Variants in SHROOM4 observed in about 807,000 individuals in gnomAD.
SHROOM4 encodes the protein shroom family member 4, also known as protein Shroom4.
A neutral mutation model predicts 80.3 loss-of-function variants in SHROOM4; 17 were observed. That is an observed-to-expected ratio of 0.21 (90% confidence interval 0.14 to 0.32). The LOEUF (loss-of-function observed/expected upper bound fraction) is 0.32, where lower values mean the gene tolerates loss of function less well. Ranked by LOEUF, SHROOM4 falls within the 10% of genes least tolerant of loss-of-function variation. SHROOM4 has a pLI of 1.00. For synonymous variants in SHROOM4, 400 were observed against 437.5 expected (o/e 0.91, Z 1.07); for missense variants, 993 against 1,140.3 (o/e 0.87, Z 1.86).
intron 2 of SHROOM4, among the ~76,000 whole-genome samples, chrX:50,668,965 T>C (rs1557260566): frequency 8.8e-6 from 1 of 113,076 alleles, no homozygotes; most frequent in Non-Finnish European, 1.9e-5. Context: ...ATAAAAGTTA[T>C]GTTTACACTA....
At chrX:50,709,867 G>A (rs1933766865) in intron 1 of SHROOM4, among the ~76,000 whole-genome samples, 1 of 112,032 alleles carries the variant, frequency 8.9e-6, no homozygotes, top group African/African-American at 3.2e-5. Flanking sequence ...TAGAAATTCA[G>A]GACTCACCCT....
downstream of SHROOM4, among the ~76,000 whole-genome samples, chrX:50,584,958 A>G (rs1928731370): frequency 9.0e-6 from 1 of 111,320 alleles, no homozygotes; most frequent in African/African-American, 3.3e-5. Flanking sequence ...ATGGGTATGT[A>G]TGATTAAGAA....
chrX:50,651,952 T>C (rs199749815), intron 2 of SHROOM4, among the ~76,000 whole-genome samples: 2 of 111,850 alleles, frequency 1.8e-5, no homozygotes, highest in East Asian at 5.6e-4. Flanking sequence ...ATGGTGTATA[T>C]GTGCCATATT....
intron 1 of SHROOM4, among the ~76,000 whole-genome samples, chrX:50,742,493 T>A (rs931551783): frequency 2.7e-5 from 3 of 111,110 alleles, no homozygotes; most frequent in Non-Finnish European, 3.8e-5. Context: ...CTCTTTAGGC[T>A]CTTCTTTGCA....
chrX:50,600,233 C>T (rs1253395122), intron 7 of SHROOM4, among the ~76,000 whole-genome samples: 1 of 111,529 alleles, frequency 9.0e-6, no homozygotes, highest in East Asian at 2.8e-4. Context: ...TAAATTAGTT[C>T]TACAACATAC....
intron 1 of SHROOM4, among the ~76,000 whole-genome samples, chrX:50,810,672 T>C (rs781853942): frequency 4.1e-4 from 46 of 112,126 alleles, no homozygotes; most frequent in Non-Finnish European, 5.1e-4. Flanking sequence ...AAAGGGACAC[T>C]GCATTAGGAG....
intron 2 of SHROOM4, among the ~76,000 whole-genome samples, chrX:50,645,848 T>C (rs1602399972): frequency 1.8e-5 from 2 of 111,051 alleles, no homozygotes; most frequent in Non-Finnish European, 3.8e-5. Flanking sequence ...CACAGGAGGG[T>C]GGGCACATGC....
the SHROOM4 span, among the ~76,000 whole-genome samples, chrX:50,579,422 C>A: frequency 3.2e-3 from 356 of 111,821 alleles, no homozygotes; most frequent in African/African-American, 0.011. Context: ...ATTACCAGAG[C>A]TGAGAAAAGT....
At chrX:50,780,133 A>G (rs1935593378) in intron 1 of SHROOM4, among the ~76,000 whole-genome samples, 1 of 112,047 alleles carries the variant, frequency 8.9e-6, no homozygotes, top group Admixed American at 9.5e-5. Flanking sequence ...ACACTGAATT[A>G]TCTATGCATA....
At chrX:50,697,162 A>G (rs1438889470) in intron 1 of SHROOM4, among the ~76,000 whole-genome samples, 1 of 111,922 alleles carries the variant, frequency 8.9e-6, no homozygotes, top group Non-Finnish European at 1.9e-5. Flanking sequence ...CAGCTTGTTT[A>G]TCAACTAAGA....
In SHROOM4 at chrX:50,627,686, A is replaced by G; in HGVS notation, c.2896-11T>C. ...GTCCCCAGGAAATTCCTGTAAAGAA[A>G]AATCCTGATAAGTTAGAAAGCTTTG... On this transcript the variant is annotated splice_polypyrimidine_tract_variant and intron_variant, in intron 4 of 8. Coordinates refer to ENST00000376020, the MANE Select transcript of SHROOM4 (RefSeq NM_020717.5). 1 of 1,197,944 alleles carries G rather than the reference A, an allele frequency of 8.3e-7. No individual in the cohort carries two copies. Among genetic ancestry groups the G allele is most frequent in the Non-Finnish European group, 1.1e-6 (1 of 883,123 alleles).
At position 50,588,379 on chromosome X, in the gene SHROOM4, A is replaced by G. The variant is rs1928801636; in HGVS notation, c.*8316T>C. 8.9e-6 allele frequency among the ~76,000 whole-genome samples: 1 copy of G among 112,095 alleles called. No individual in the cohort carries two copies. The highest frequency in any genetic ancestry group is 3.7e-4 in the South Asian group (1 of 2,673). On this transcript the variant is annotated 3_prime_UTR_variant, in exon 9 of 9. Transcript: ENST00000376020. ...AGCTTTATAATAAAAGTTAACATTC[A>G]TTGGGTACTTATTGTCCTAAGTACT...
chrX:50,807,558 A>T (rs1277659908), intron 1 of SHROOM4, among the ~76,000 whole-genome samples: 2 of 112,078 alleles, frequency 1.8e-5, no homozygotes, highest in African/African-American at 6.5e-5. Flanking sequence ...AATAAAAAAG[A>T]TCTGGAATTC....
chrX:50,599,535 A>C (rs1256967613), intron 7 of SHROOM4, among the ~76,000 whole-genome samples: 1 of 111,647 alleles, frequency 9.0e-6, no homozygotes, highest in Non-Finnish European at 1.9e-5. Context: ...GGCCCATAGT[A>C]AGTGCTGCGT....
intron 1 of SHROOM4, among the ~76,000 whole-genome samples, chrX:50,705,972 C>G (rs1933659953): frequency 1.0e-5 from 1 of 98,184 alleles, no homozygotes; most frequent in African/African-American, 3.7e-5. Context: ...CCTTATTTCC[C>G]ACAACCTCTC....
intron 1 of SHROOM4, among the ~76,000 whole-genome samples, chrX:50,703,942 A>ATG (rs1933586292): frequency 8.9e-6 from 1 of 111,927 alleles, no homozygotes; most frequent in African/African-American, 3.2e-5. Context: ...TGCAAAGCTG[A>ATG]TGTGGTGGAG....
At chrX:50,657,974 C>T (rs1932369028) in intron 2 of SHROOM4, among the ~76,000 whole-genome samples, 1 of 111,782 alleles carries the variant, frequency 8.9e-6, no homozygotes, top group Non-Finnish European at 1.9e-5. Context: ...GGTATTAGTG[C>T]CCTTATAAAA....
chrX:50,629,659 A>AT (rs1218444485), intron 4 of SHROOM4, among the ~76,000 whole-genome samples: 4 of 111,635 alleles, frequency 3.6e-5, no homozygotes, highest in African/African-American at 1.3e-4. Context: ...CAGCTGTAAA[A>AT]TGGGAGATCC....
intron 2 of SHROOM4, among the ~76,000 whole-genome samples, chrX:50,647,501 C>G (rs1931883960): frequency 9.0e-6 from 1 of 111,643 alleles, no homozygotes; most frequent in Admixed American, 9.5e-5. Context: ...GTTTCCTAAA[C>G]CAACACCCAA....
Sources: allele counts gnomAD v4.1 joint callset (sites outside exome capture counted in the v4.1 genomes callset), GRCh38; gene constraint gnomAD v4.1.1; transcripts MANE v1.5; gene names NCBI Gene and HGNC (gene_info 2026-07-23, HGNC 2026-07-21).